The following STK3 variants were observed in gnomAD, a reference collection of about 807,000 sequenced individuals.
STK3 encodes serine/threonine-protein kinase 3.
A neutral mutation model predicts 58.0 loss-of-function variants in STK3; 41 were observed. The ratio of observed to expected loss-of-function variants is 0.71; its 90% CI spans 0.55 to 0.92. The LOEUF (loss-of-function observed/expected upper bound fraction) is 0.92. STK3 is among the 40% of genes least tolerant of loss of function. STK3 has a pLI of 0.00. For synonymous variants in STK3, 170 were observed against 191.0 expected (o/e 0.89, Z 0.91); for missense variants, 479 against 602.7 (o/e 0.79, Z 2.15).
intron 4 of STK3, among the ~76,000 whole-genome samples, chr8:98,745,320 TC>T (rs1392989975): frequency 2.0e-5 from 3 of 152,186 alleles, no homozygotes; most frequent in Admixed American, 6.5e-5. Flanking sequence ...TCAGTGTCTT[TC>T]TTCAGCTCTC....
At chr8:98,878,902 T>TC (rs1837680254), downstream of STK3, 2 of 144,720 alleles carry the variant, frequency 1.4e-5, no homozygotes, top group South Asian at 4.5e-4. Flanking sequence ...TTTCTTTTTT[T>TC]TTTTTTTTTT....
In STK3 at chr8:98,707,403, T is replaced by C. The variant is rs751626643; in HGVS notation, c.352-92A>G. The C allele has an allele frequency of 2.7e-4, 261 of 949,116 alleles. 1 individual carries two copies. Among genetic ancestry groups the C allele is most frequent in the Non-Finnish European group, 3.8e-4 (256 of 666,448 alleles). 58.8% of individuals were successfully genotyped at this position (949,116 alleles called of 1,614,324 possible). A position where few individuals can be genotyped will look rare whatever the true frequency, so the allele number is the denominator to read the frequency against. ...CTAGTAACAAGTATGTCTTTCCGTG[T>C]GTGTGTGTGTGTTTTTTTTTAAGAG... On this transcript the variant is annotated intron_variant, in intron 4 of 10. Transcript: ENST00000419617.
Position 98,893,227 on chromosome 8 carries a change from A to G in STK3, c.-78-9393T>C, listed in dbSNP as rs557571474. Among the ~76,000 whole-genome samples the G allele has an allele frequency of 4.0e-5, 6 of 151,866 alleles. No homozygotes were observed. The South Asian group carries it at 1.3e-3, about 32-fold the overall frequency. On this transcript the variant is annotated intron_variant, in intron 1 of 1. Transcript: ENST00000519420. ...AAAATGATGAAACCCTATCCCTACT[A>G]AAAATACAAAAATTAACCAGGCATG...
chr8:98,454,964 A>G lies in STK3; in HGVS notation c.*878T>C, dbSNP rs1819386026. On this transcript the variant is annotated 3_prime_UTR_variant, in exon 11 of 11. Coordinates refer to ENST00000419617, the MANE Select transcript of STK3 (RefSeq NM_006281.4). ...CAGAGCACATTTTCATAGAAATGAA[A>G]TTGATGAGCTTATTACAGTTTGAAT... 6.6e-6 allele frequency: 1 copy of G among 152,424 alleles called. No homozygotes were observed. Among genetic ancestry groups the G allele is most frequent in the Non-Finnish European group, 1.5e-5 (1 of 68,036 alleles). 9.4% of individuals were successfully genotyped at this position (152,424 alleles called of 1,614,324 possible).
intron 10 of STK3, among the ~76,000 whole-genome samples, chr8:98,504,772 T>C (rs919327913): frequency 6.6e-6 from 1 of 152,242 alleles, no homozygotes; most frequent in African/African-American, 2.4e-5. Flanking sequence ...GTTGGTCTGA[T>C]GGGCTTCCCT....
downstream of STK3, among the ~76,000 whole-genome samples, chr8:98,400,088 AG>A (rs1385303015): frequency 7.9e-5 from 12 of 152,286 alleles, no homozygotes; most frequent in African/African-American, 2.9e-4. Context: ...AATGACACTC[AG>A]GCTCCCTCCA....
intron 1 of STK3, among the ~76,000 whole-genome samples, chr8:98,822,781 C>A (rs1286882266): frequency 6.6e-6 from 1 of 152,174 alleles, no homozygotes; most frequent in Non-Finnish European, 1.5e-5. Flanking sequence ...GTAATCCCAG[C>A]ACTTTAGGTG....
intron 10 of STK3, among the ~76,000 whole-genome samples, chr8:98,503,171 T>C (rs908987402): frequency 5.9e-5 from 9 of 152,362 alleles, no homozygotes; most frequent in African/African-American, 1.2e-4. Flanking sequence ...CCATTTCTTC[T>C]AGATTTTCTA....
the STK3 span, among the ~76,000 whole-genome samples, chr8:98,349,335 T>G: frequency 2.0e-5 from 3 of 152,232 alleles, no homozygotes; most frequent in Admixed American, 1.3e-4. Flanking sequence ...GTAATGCCGA[T>G]GCAAGAGGTG....
chr8:98,610,719 G>A (rs1817128160), intron 6 of STK3, among the ~76,000 whole-genome samples: 1 of 152,172 alleles, frequency 6.6e-6, no homozygotes, highest in Non-Finnish European at 1.5e-5. Context: ...ATCTAGGAGG[G>A]AAAACTATGG....
At chr8:98,358,169 A>T in the STK3 span, among the ~76,000 whole-genome samples, 10 of 152,216 alleles carry the variant, frequency 6.6e-5, no homozygotes, top group South Asian at 2.1e-3. Context: ...CCCCAAGAAC[A>T]CTCAGCAGCT....
In STK3 at chr8:98,489,544, G is replaced by A. The variant is rs946946219; in HGVS notation, c.1318-33544C>T. On this transcript the variant is annotated intron_variant, in intron 10 of 10. Coordinates refer to ENST00000419617, the MANE Select transcript of STK3 (RefSeq NM_006281.4). ...ATTATATAGTAAAAAGTCTTCCCACGTATCAAGATTATGTACATATCCACC... is the reference window on the plus strand; with the variant it reads ...ATTATATAGTAAAAAGTCTTCCCACATATCAAGATTATGTACATATCCACC... Among the ~76,000 whole-genome samples, 8 of 152,072 alleles carry A rather than the reference G, an allele frequency of 5.3e-5. No individual in the cohort carries two copies. In the East Asian group the frequency reaches 7.7e-4, roughly 15 times the overall value.
chr8:98,402,913 G>C (rs573411536), intron 3 of STK3, among the ~76,000 whole-genome samples: 8 of 152,338 alleles, frequency 5.3e-5, no homozygotes, highest in Admixed American at 5.2e-4. Flanking sequence ...GAGGCTGAGA[G>C]AGGAGACCCC....
At chr8:98,368,847 G>A (rs1473143508), downstream of STK3, among the ~76,000 whole-genome samples, 3 of 152,142 alleles carry the variant, frequency 2.0e-5, no homozygotes, top group Admixed American at 6.5e-5. Flanking sequence ...GGAACATTGA[G>A]CTCTTCATCT....
chr8:98,738,024 A>T (rs1034940579), intron 4 of STK3, among the ~76,000 whole-genome samples: 1 of 152,220 alleles, frequency 6.6e-6, no homozygotes, highest in Non-Finnish European at 1.5e-5. Context: ...GATTTTCAAG[A>T]GGATTTAAAA....
At chr8:98,798,143 T>G (rs947193275) in intron 1 of STK3, among the ~76,000 whole-genome samples, 3 of 152,190 alleles carry the variant, frequency 2.0e-5, no homozygotes, top group Admixed American at 2.0e-4. Flanking sequence ...CTCATTAATA[T>G]TAAACCAAAC....
At chr8:98,692,787 TATA>T (rs1824508158) in intron 6 of STK3, among the ~76,000 whole-genome samples, 1 of 151,938 alleles carries the variant, frequency 6.6e-6, no homozygotes, top group Non-Finnish European at 1.5e-5. Flanking sequence ...ACTTATACTA[TATA>T]AATGTTAATC....
At chr8:98,875,846 T>C (rs1837544085) in intron 3 of STK3, among the ~76,000 whole-genome samples, 2 of 152,198 alleles carry the variant, frequency 1.3e-5, no homozygotes, top group South Asian at 4.1e-4. Flanking sequence ...ATGAGTTTTC[T>C]CCTCCTCCTT....
chr8:98,485,754 G>A (rs972464594), intron 10 of STK3, among the ~76,000 whole-genome samples: 8 of 152,176 alleles, frequency 5.3e-5, no homozygotes, highest in African/African-American at 1.9e-4. Context: ...CTAGAGTTCG[G>A]GGGCACAGAG....
Sources: gnomAD v4.1 joint callset for allele counts (sites outside exome capture counted in the v4.1 genomes callset) on GRCh38, gnomAD v4.1.1 for gene constraint, MANE v1.5 for transcripts, NCBI Gene and HGNC (gene_info 2026-07-23, HGNC 2026-07-21) for gene names.